The following SPATA45 variants were observed in gnomAD, a reference collection of about 807,000 sequenced individuals.
SPATA45 encodes spermatogenesis-associated protein 45.
In SPATA45, 5 loss-of-function variants were observed where a neutral mutation model predicts 7.0. The observed-to-expected ratio is 0.71, with a 90% CI of 0.37 to 1.50. The LOEUF (loss-of-function observed/expected upper bound fraction) is 1.50. Among genes scored for constraint, SPATA45 ranks in the 40% most tolerant of loss-of-function variants. The pLI is 0.03. For missense variants in SPATA45, 111 were observed against 114.9 expected, an observed-to-expected ratio of 0.97 and a Z score of 0.16; for synonymous variants, 40 against 38.7, an observed-to-expected ratio of 1.03 and a Z score of -0.13.
chr1:212,840,107 T>G (rs1056988373), intron 1 of SPATA45, among the ~76,000 whole-genome samples: 1 of 151,732 alleles, frequency 6.6e-6, no homozygotes, highest in African/African-American at 2.4e-5. Flanking sequence ...TAATTTTTTT[T>G]CTTTTTTTAA....
At chr1:212,836,505 A>G (rs534151424) in intron 1 of SPATA45, among the ~76,000 whole-genome samples, 3 of 151,026 alleles carry the variant, frequency 2.0e-5, no homozygotes, top group African/African-American at 7.3e-5. Context: ...TAATTTTTCT[A>G]TTATCAGTAG....
intron 2 of SPATA45, 72 bp downstream of exon 2, chr1:212,835,801 A>G (rs1298456893): frequency 2.2e-6 from 3 of 1,349,724 alleles, no homozygotes; most frequent in East Asian, 4.7e-5. Flanking sequence ...GCGCCACTGC[A>G]CTCCAGCCTG....
At chr1:212,842,828 C>T (rs371024149) in intron 1 of SPATA45, among the ~76,000 whole-genome samples, 4 of 152,042 alleles carry the variant, frequency 2.6e-5, no homozygotes, top group African/African-American at 9.7e-5. Context: ...GTGGCTCACG[C>T]CTGTAATCCC....
At chr1:212,839,617 C>CA (rs35037485) in intron 1 of SPATA45, among the ~76,000 whole-genome samples, 2,172 of 137,934 alleles carry the variant, frequency 0.016, 55 homozygotes, top group Non-Finnish European at 0.023. Context: ...GACCCTATGT[C>CA]AAAAAAAAAA....
At chr1:212,835,397 A>G (rs1335803267) in intron 2 of SPATA45, among the ~76,000 whole-genome samples, 1 of 151,474 alleles carries the variant, frequency 6.6e-6, no homozygotes, top group Non-Finnish European at 1.5e-5. Flanking sequence ...TTCGTGGTGC[A>G]TGCCTGTAAT....
intron 1 of SPATA45, among the ~76,000 whole-genome samples, chr1:212,843,715 T>C (rs762553687): frequency 5.9e-5 from 9 of 152,188 alleles, no homozygotes; most frequent in Non-Finnish European, 1.0e-4. Flanking sequence ...GTGTGTGACA[T>C]AGGAACAGGC....
At chr1:212,841,296 C>T (rs1663679784) in intron 1 of SPATA45, among the ~76,000 whole-genome samples, 1 of 150,700 alleles carries the variant, frequency 6.6e-6, no homozygotes, top group African/African-American at 2.5e-5. Flanking sequence ...GTGGCTGGGA[C>T]CACCACAAGT....
intron 1 of SPATA45, among the ~76,000 whole-genome samples, chr1:212,837,927 T>G (rs374328255): frequency 2.6e-5 from 4 of 151,776 alleles, no homozygotes; most frequent in South Asian, 4.2e-4. Context: ...AAAGAAAATC[T>G]TAAAAGCAAC....
At chr1:212,843,603 CGTTCAAG>C (rs903458688) in intron 1 of SPATA45, among the ~76,000 whole-genome samples, 3 of 152,098 alleles carry the variant, frequency 2.0e-5, no homozygotes, top group Non-Finnish European at 2.9e-5. Flanking sequence ...ACAATGGAGA[CGTTCAAG>C]GTAATGACAG....
intron 1 of SPATA45, among the ~76,000 whole-genome samples, chr1:212,845,127 A>G (rs1663769112): frequency 6.6e-6 from 1 of 152,082 alleles, no homozygotes; most frequent in African/African-American, 2.4e-5. Context: ...TCATTTCATA[A>G]TCTCTTCCAT....
In SPATA45 at chr1:212,835,924, T is replaced by C. The variant is rs775168752; in HGVS notation, c.226A>G (p.Ile76Val). 3.7e-6 allele frequency: 6 copies of C among 1,610,460 alleles called. No homozygotes were observed. The highest frequency in any genetic ancestry group is 1.6e-4 in the Middle Eastern group (1 of 6,062). ...PVPNSGRSSW[I>V]KLSLLAHMER... ...ATGTGAGCAAGGAGACTCAGCTTGA[T>C]CCAGGAGCTCCTGCCACTGTTGGGA... is the stretch of plus-strand genomic sequence containing the variant. The change falls in exon 2 of 3, where the codon ATC (isoleucine) becomes GTC (valine). Residue 76 changes from isoleucine (I) to valine (V), a missense_variant. Physicochemically the swap from Ile to Val is conservative, Grantham distance 29. Transcript: ENST00000332912.
intron 1 of SPATA45, among the ~76,000 whole-genome samples, chr1:212,841,946 G>C (rs1339739762): frequency 6.6e-6 from 1 of 151,682 alleles, no homozygotes; most frequent in Non-Finnish European, 1.5e-5. Flanking sequence ...TTTTAGTAGA[G>C]AGGGGGTTTT....
chr1:212,840,214 C>T lies in SPATA45; in HGVS notation c.-38-4027G>A, dbSNP rs534547924. 1.3e-4 allele frequency among the ~76,000 whole-genome samples: 20 copies of T among 148,784 alleles called. 1 individual carries two copies. Among genetic ancestry groups the T allele is most frequent in the African/African-American group, 4.6e-4 (19 of 41,298 alleles). ...AGATCACCTGTCAGGAGTTCAAGACCAGCCTGGCCAACATGGTGAAACCCC... is the reference window on the plus strand; with the variant it reads ...AGATCACCTGTCAGGAGTTCAAGACTAGCCTGGCCAACATGGTGAAACCCC... On this transcript the variant is annotated intron_variant, in intron 1 of 2. Coordinates refer to ENST00000332912, the MANE Select transcript of SPATA45 (RefSeq NM_001024601.3).
At chr1:212,837,900 C>T (rs532871421) in intron 1 of SPATA45, among the ~76,000 whole-genome samples, 2 of 151,864 alleles carry the variant, frequency 1.3e-5, no homozygotes, top group South Asian at 2.1e-4. Context: ...GCTGAGATTA[C>T]AGTGAACTTA....
In SPATA45 at chr1:212,836,165, A is replaced by T; in HGVS notation, c.-16T>A. 1 of 1,584,730 alleles carries T rather than the reference A, an allele frequency of 6.3e-7. No homozygotes were observed. Among genetic ancestry groups the T allele is most frequent in the Non-Finnish European group, 8.6e-7 (1 of 1,157,744 alleles). On this transcript the variant is annotated 5_prime_UTR_variant, in exon 2 of 3. The change creates a new upstream start codon in the 5' untranslated region. Coordinates refer to ENST00000332912, the MANE Select transcript of SPATA45 (RefSeq NM_001024601.3). ...TAGATGCCATTATGGTCACAAACCA[A>T]TTGTCAAGTGATTCTTGCTGTCCTA...
intron 2 of SPATA45, among the ~76,000 whole-genome samples, chr1:212,834,533 C>G (rs1421127054): frequency 6.6e-6 from 1 of 151,298 alleles, no homozygotes; most frequent in Non-Finnish European, 1.5e-5. Flanking sequence ...TCACTGCAAC[C>G]TCCACCTCTG....
chr1:212,843,268 C>A (rs777564499), intron 1 of SPATA45, among the ~76,000 whole-genome samples: 1 of 148,662 alleles, frequency 6.7e-6, no homozygotes, highest in Non-Finnish European at 1.5e-5. Flanking sequence ...CCAGCCTGGG[C>A]AACAAAAGTG....
At chr1:212,832,929 A>G (rs546822486) in intron 2 of SPATA45, among the ~76,000 whole-genome samples, 1 of 151,690 alleles carries the variant, frequency 6.6e-6, no homozygotes, top group East Asian at 1.9e-4. Context: ...TGTGCCAGAC[A>G]CTGTTCTAGG....
At chr1:212,837,022 G>A (rs1041098437) in intron 1 of SPATA45, among the ~76,000 whole-genome samples, 11 of 150,640 alleles carry the variant, frequency 7.3e-5, no homozygotes, top group Middle Eastern at 3.5e-3. Flanking sequence ...TTCTTCAGGG[G>A]AAACAAAGGT....
Sources: allele counts gnomAD v4.1 joint callset (sites outside exome capture counted in the v4.1 genomes callset), GRCh38; gene constraint gnomAD v4.1.1; transcripts MANE v1.5; gene names NCBI Gene and HGNC (gene_info 2026-07-23, HGNC 2026-07-21).